GRIK4: variants seen among roughly 807,000 people sequenced by gnomAD.
The protein encoded by GRIK4 is glutamate ionotropic receptor kainate type subunit 4.
A neutral mutation model predicts 104.9 loss-of-function variants in GRIK4; 40 were observed. The observed-to-expected ratio is 0.38, with a 90% CI of 0.30 to 0.50. GRIK4 has a LOEUF of 0.50. Among genes scored for constraint, GRIK4 ranks in the 20% least tolerant of loss-of-function variants. The pLI, the probability that GRIK4 is intolerant of heterozygous loss-of-function variation, is 0.93. For missense variants in GRIK4, 1,047 were observed against 1,308.1 expected (o/e 0.80, Z 3.08); for synonymous variants, 485 against 524.9 (o/e 0.92, Z 1.04).
intron 1 of GRIK4, among the ~76,000 whole-genome samples, chr11:120,567,361 A>G (rs2135065661): frequency 6.6e-6 from 1 of 151,852 alleles, no homozygotes; most frequent in South Asian, 2.1e-4. Flanking sequence ...ATCTCTCTGT[A>G]TTGCCCAGGT....
At chr11:120,650,754 T>C (rs961688816) in intron 1 of GRIK4, among the ~76,000 whole-genome samples, 1 of 152,344 alleles carries the variant, frequency 6.6e-6, no homozygotes, top group South Asian at 2.1e-4. Context: ...GAATAAAGTA[T>C]AAATGTATAG....
At chr11:120,603,509 C>G (rs1409135179) in intron 1 of GRIK4, among the ~76,000 whole-genome samples, 1 of 152,198 alleles carries the variant, frequency 6.6e-6, no homozygotes, top group Non-Finnish European at 1.5e-5. Flanking sequence ...TCTTTCAGCC[C>G]TCCTTTGAAA....
chr11:120,528,090 AG>A (rs1947879321), intron 1 of GRIK4, among the ~76,000 whole-genome samples: 1 of 152,100 alleles, frequency 6.6e-6, no homozygotes, highest in Non-Finnish European at 1.5e-5. Flanking sequence ...CAGCCTTTTG[AG>A]TAGCTGGGAC....
chr11:120,870,357 A>G (rs1954569729), intron 9 of GRIK4: 1 of 152,232 alleles, frequency 6.6e-6, no homozygotes, highest in South Asian at 2.1e-4. Context: ...TAACGTGAGG[A>G]CAAACAACCA....
At chr11:120,725,238 GA>G in intron 3 of GRIK4, among the ~76,000 whole-genome samples, 2 of 152,296 alleles carry the variant, frequency 1.3e-5, no homozygotes, top group South Asian at 4.1e-4. Context: ...CAGCAGCATA[GA>G]CAGGGCCCAT....
At chr11:120,523,408 T>C (rs1172358433) in intron 1 of GRIK4, among the ~76,000 whole-genome samples, 1 of 151,928 alleles carries the variant, frequency 6.6e-6, no homozygotes, top group Admixed American at 6.6e-5. Flanking sequence ...CTCAGCTCCT[T>C]TGGGGAGGGA....
At chr11:120,689,412 C>G (rs1272992755) in intron 3 of GRIK4, among the ~76,000 whole-genome samples, 1 of 152,066 alleles carries the variant, frequency 6.6e-6, no homozygotes, top group Non-Finnish European at 1.5e-5. Context: ...TTATGAAATA[C>G]CAACTCCTTA....
intron 8 of GRIK4, among the ~76,000 whole-genome samples, chr11:120,855,864 A>G (rs1389420649): frequency 1.3e-5 from 2 of 152,252 alleles, no homozygotes; most frequent in Non-Finnish European, 2.9e-5. Flanking sequence ...CGCCCGGCCT[A>G]TGGTGACTTA....
intron 3 of GRIK4, among the ~76,000 whole-genome samples, chr11:120,670,823 C>A (rs1950004297): frequency 6.6e-6 from 1 of 152,176 alleles, no homozygotes; most frequent in Non-Finnish European, 1.5e-5. Flanking sequence ...GCCATCTACA[C>A]TAGGCATTTC....
chr11:120,700,064 G>A (rs1321075182), intron 3 of GRIK4, among the ~76,000 whole-genome samples: 2 of 152,150 alleles, frequency 1.3e-5, no homozygotes, highest in African/African-American at 2.4e-5. Context: ...TAGGAGATGC[G>A]TAGAGATAGT....
intron 13 of GRIK4, among the ~76,000 whole-genome samples, chr11:120,935,052 A>G (rs929218768): frequency 6.6e-6 from 1 of 152,174 alleles, no homozygotes; most frequent in African/African-American, 2.4e-5. Flanking sequence ...AGAGCGTTCA[A>G]TACTGCTGAC....
intron 13 of GRIK4, among the ~76,000 whole-genome samples, chr11:120,931,786 A>G (rs1943486462): frequency 6.6e-6 from 1 of 152,216 alleles, no homozygotes. Flanking sequence ...CCAATACTGT[A>G]GGACATTCAC....
intron 11 of GRIK4, among the ~76,000 whole-genome samples, chr11:120,876,583 T>C (rs1026776950): frequency 2.0e-5 from 3 of 151,658 alleles, no homozygotes; most frequent in African/African-American, 7.3e-5. Context: ...CATATATATT[T>C]TCTCTTTTAA....
At chr11:120,889,979 A>G (rs1332637728) in intron 11 of GRIK4, among the ~76,000 whole-genome samples, 1 of 152,162 alleles carries the variant, frequency 6.6e-6, no homozygotes, top group Non-Finnish European at 1.5e-5. Flanking sequence ...TAAGGGGAGA[A>G]GGGAAGGGGA....
At chr11:120,721,322 G>C (rs1241432757) in intron 3 of GRIK4, among the ~76,000 whole-genome samples, 4 of 152,206 alleles carry the variant, frequency 2.6e-5, no homozygotes, top group African/African-American at 9.6e-5. Context: ...TGACCTTTGA[G>C]AGTGCAGTTT....
chr11:120,605,866 T>C (rs1312187522), intron 1 of GRIK4, among the ~76,000 whole-genome samples: 1 of 152,162 alleles, frequency 6.6e-6, no homozygotes, highest in Non-Finnish European at 1.5e-5. Flanking sequence ...ATGGAGAAAG[T>C]TCTTTAGTTG....
chr11:120,850,369 A>T (rs1953946832), intron 8 of GRIK4, among the ~76,000 whole-genome samples: 1 of 152,036 alleles, frequency 6.6e-6, no homozygotes, highest in African/African-American at 2.4e-5. Flanking sequence ...CCTACCACAC[A>T]TGCCAACTGT....
At chr11:120,755,689 A>G (rs1249108645) in intron 3 of GRIK4, among the ~76,000 whole-genome samples, 1 of 151,790 alleles carries the variant, frequency 6.6e-6, no homozygotes, top group African/African-American at 2.4e-5. Flanking sequence ...GCAAATCAAC[A>G]ATGAAAACTA....
At chr11:120,578,151 G>A (rs548696666) in intron 1 of GRIK4, among the ~76,000 whole-genome samples, 20 of 152,304 alleles carry the variant, frequency 1.3e-4, no homozygotes, top group African/African-American at 4.8e-4. Flanking sequence ...ACGACCAGAG[G>A]GCAGGGAAGT....
Sources: allele counts gnomAD v4.1 joint callset (sites outside exome capture counted in the v4.1 genomes callset), GRCh38; gene constraint gnomAD v4.1.1; transcripts MANE v1.5; gene names NCBI Gene and HGNC (gene_info 2026-07-23, HGNC 2026-07-21).